Variants in SMIM13 observed in about 807,000 individuals in gnomAD.
SMIM13 encodes the protein UPF0766 protein C6orf228.
A neutral mutation model predicts 5.9 loss-of-function variants in SMIM13; 3 were observed. The ratio of observed to expected loss-of-function variants is 0.51; its 90% CI spans 0.23 to 1.31. SMIM13 has a LOEUF of 1.31. Ranked by LOEUF, SMIM13 falls within the 40% of genes most tolerant of loss-of-function variation. The probability of loss-of-function intolerance (pLI) is 0.18; values close to 1 mark genes in which losing one functional copy is unlikely to be tolerated. For missense variants in SMIM13, 85 were observed against 109.9 expected (o/e 0.77, Z 1.01); for synonymous variants, 55 against 46.0 (o/e 1.19, Z -0.79).
intron 1 of SMIM13, among the ~76,000 whole-genome samples, chr6:11,097,447 G>GGAGTTC (rs776073073): frequency 4.6e-5 from 7 of 151,968 alleles, no homozygotes; most frequent in Non-Finnish European, 5.9e-5. Flanking sequence ...CCTGAGATCA[G>GGAGTTC]GAGTTCGAGA....
At chr6:11,112,394 A>G (rs1225829598) in intron 1 of SMIM13, among the ~76,000 whole-genome samples, 1 of 152,108 alleles carries the variant, frequency 6.6e-6, no homozygotes, top group African/African-American at 2.4e-5. Context: ...TGGAATTAAC[A>G]GGTGTGCACC....
intron 1 of SMIM13, among the ~76,000 whole-genome samples, chr6:11,113,307 GT>G (rs1298453916): frequency 3.3e-5 from 5 of 152,192 alleles, no homozygotes; most frequent in Non-Finnish European, 1.5e-5. Flanking sequence ...GGTATTGTCT[GT>G]TTTTAATTTA....
chr6:11,132,067 C>A (rs1187317668), intron 1 of SMIM13, among the ~76,000 whole-genome samples: 1 of 151,974 alleles, frequency 6.6e-6, no homozygotes, highest in Non-Finnish European at 1.5e-5. Context: ...ACTCTTACAA[C>A]TCAATAATAA....
chr6:11,104,239 G>A (rs531804739), intron 1 of SMIM13: 1 of 1,551,732 alleles, frequency 6.4e-7, no homozygotes, highest in African/African-American at 1.4e-5. Context: ...AGTCCCGCGA[G>A]AAGGGGAATG....
intron 1 of SMIM13, among the ~76,000 whole-genome samples, chr6:11,097,693 C>T (rs1007738192): frequency 1.3e-5 from 2 of 151,714 alleles, no homozygotes. Context: ...AACCTTATCT[C>T]CAAATACCGT....
chr6:11,129,375 C>A (rs892484356), intron 1 of SMIM13, among the ~76,000 whole-genome samples: 5 of 152,228 alleles, frequency 3.3e-5, no homozygotes, highest in East Asian at 3.9e-4. Flanking sequence ...TTCTTTATGG[C>A]GGAATAGTAT....
At chr6:11,128,215 G>A (rs1014937640) in intron 1 of SMIM13, among the ~76,000 whole-genome samples, 2 of 152,138 alleles carry the variant, frequency 1.3e-5, no homozygotes, top group African/African-American at 4.8e-5. Context: ...TGGGGCCCAA[G>A]GGCTGTCTAC....
intron 1 of SMIM13, among the ~76,000 whole-genome samples, chr6:11,128,987 C>T (rs917799117): frequency 3.3e-5 from 5 of 151,936 alleles, no homozygotes; most frequent in African/African-American, 1.2e-4. Context: ...GATGTTAAAA[C>T]CAGGTACTGT....
chr6:11,135,748 T>A lies in SMIM13; in HGVS notation c.*1146T>A, dbSNP rs1758509940. 2 of 152,408 alleles carry A rather than the reference T, an allele frequency of 1.3e-5. No individual in the cohort carries two copies. The highest frequency in any genetic ancestry group is 1.3e-4 in the Admixed American group (2 of 15,284). The allele number at this position is 152,408 out of a possible 1,614,324, so 9.4% of individuals were successfully genotyped here. A position where few individuals can be genotyped will look rare whatever the true frequency, so the allele number is the denominator to read the frequency against. On this transcript the variant is annotated 3_prime_UTR_variant, in exon 2 of 2. Coordinates refer to ENST00000416247, the MANE Select transcript of SMIM13 (RefSeq NM_001135575.2). ...ACATTTTCTTTACATATGCACAAGATTGATGTGATAAAAATCTGTTTAACT... is the reference window on the plus strand; with the variant it reads ...ACATTTTCTTTACATATGCACAAGAATGATGTGATAAAAATCTGTTTAACT...
intron 1 of SMIM13, among the ~76,000 whole-genome samples, chr6:11,125,837 AT>A: frequency 6.6e-6 from 1 of 152,208 alleles, no homozygotes; most frequent in South Asian, 2.1e-4. Flanking sequence ...TTGGTGTTCT[AT>A]AACTTTCTTG....
intron 1 of SMIM13, among the ~76,000 whole-genome samples, chr6:11,100,866 A>G (rs1463547035): frequency 1.3e-5 from 2 of 152,046 alleles, no homozygotes; most frequent in Admixed American, 6.5e-5. Flanking sequence ...TTCTCTTTCA[A>G]GATGCTTTTT....
intron 1 of SMIM13, among the ~76,000 whole-genome samples, chr6:11,115,915 G>A (rs1453893662): frequency 1.3e-5 from 2 of 150,656 alleles, no homozygotes; most frequent in Non-Finnish European, 2.9e-5. Flanking sequence ...TCGAACTCCC[G>A]ACCTCAGGTG....
chr6:11,121,457 C>T (rs551440432), intron 1 of SMIM13, among the ~76,000 whole-genome samples: 2 of 152,222 alleles, frequency 1.3e-5, no homozygotes, highest in East Asian at 3.9e-4. Flanking sequence ...GTTTTACTTC[C>T]TTCATTCCCC....
At chr6:11,107,500 G>T (rs912772434) in intron 1 of SMIM13, among the ~76,000 whole-genome samples, 38 of 152,150 alleles carry the variant, frequency 2.5e-4, no homozygotes, top group Non-Finnish European at 1.0e-4. Context: ...AGACCAATGG[G>T]GACTGTCTCT....
chr6:11,103,782 A>T, intron 1 of SMIM13: 3 of 1,551,690 alleles, frequency 1.9e-6, no homozygotes, highest in Non-Finnish European at 2.6e-6. Context: ...AGAGGAGACA[A>T]ATTGGGTTAT....
intron 1 of SMIM13, among the ~76,000 whole-genome samples, chr6:11,113,654 C>T (rs1487967878): frequency 2.6e-5 from 4 of 152,322 alleles, no homozygotes; most frequent in Admixed American, 1.3e-4. Context: ...TGGCTCACTG[C>T]AGCCCCCGCC....
chr6:11,134,673 C>T lies in SMIM13; in HGVS notation c.*71C>T, dbSNP rs754475810. ...TTTACTGACTTCGCTTTGAAATTTACTAATGACTGAAGAACATTTGTATTG... is the reference window on the plus strand; with the variant it reads ...TTTACTGACTTCGCTTTGAAATTTATTAATGACTGAAGAACATTTGTATTG... On this transcript the variant is annotated 3_prime_UTR_variant, in exon 2 of 2. Transcript: ENST00000416247. 9.0e-7 allele frequency: 1 copy of T among 1,112,224 alleles called. No homozygotes were observed. The highest frequency in any genetic ancestry group is 1.2e-6 in the Non-Finnish European group (1 of 828,464). 68.9% of individuals were successfully genotyped at this position (1,112,224 alleles called of 1,614,324 possible). A position where few individuals can be genotyped will look rare whatever the true frequency, so the allele number is the denominator to read the frequency against.
At chr6:11,095,022 C>A (rs891285778) in intron 1 of SMIM13, among the ~76,000 whole-genome samples, 35 of 152,168 alleles carry the variant, frequency 2.3e-4, no homozygotes, top group Admixed American at 6.5e-5. Context: ...CAACTTTTTT[C>A]TTCAAATAAT....
intron 1 of SMIM13, among the ~76,000 whole-genome samples, chr6:11,113,731 C>T (rs1409616955): frequency 2.0e-5 from 3 of 151,954 alleles, no homozygotes; most frequent in Admixed American, 6.6e-5. Flanking sequence ...CATGTGCCAC[C>T]ATACCTAGCT....
Sources: gnomAD v4.1 joint callset for allele counts (sites outside exome capture counted in the v4.1 genomes callset) on GRCh38, gnomAD v4.1.1 for gene constraint, MANE v1.5 for transcripts, NCBI Gene and HGNC (gene_info 2026-07-23, HGNC 2026-07-21) for gene names.